The following BZW2 variants were observed in gnomAD, a reference collection of about 807,000 sequenced individuals.
BZW2 encodes basic leucine zipper and W2 domains 2, also known as eIF5-mimic protein 1.
Under a neutral mutation model 53.2 loss-of-function variants are expected in BZW2, and 23 were observed. The ratio of observed to expected loss-of-function variants is 0.43; its 90% CI spans 0.31 to 0.61. The LOEUF (loss-of-function observed/expected upper bound fraction) is 0.61. Among genes scored for constraint, BZW2 ranks in the 20% least tolerant of loss-of-function variants. The pLI is 0.09. For missense variants in BZW2, 409 were observed against 503.1 expected (o/e 0.81, Z 1.79); for synonymous variants, 227 against 186.4 (o/e 1.22, Z -1.77).
At chr7:16,676,209 T>C (rs1782758702) in intron 3 of BZW2, among the ~76,000 whole-genome samples, 1 of 152,192 alleles carries the variant, frequency 6.6e-6, no homozygotes, top group Non-Finnish European at 1.5e-5. Context: ...CCCATCAGTG[T>C]TATACTGGAT....
At chr7:16,694,036 G>GA (rs1783403774) in intron 7 of BZW2, among the ~76,000 whole-genome samples, 1 of 152,134 alleles carries the variant, frequency 6.6e-6, no homozygotes, top group Non-Finnish European at 1.5e-5. Flanking sequence ...GCAGCAGTCT[G>GA]AAAAATGTGA....
intron 6 of BZW2, 25 bp from the exon 7 acceptor site, chr7:16,689,772 G>T: frequency 3.8e-6 from 6 of 1,575,708 alleles, no homozygotes; most frequent in African/African-American, 1.3e-5. Context: ...TAAAAGGAAT[G>T]AAATTCTCTT....
rs576625950 is a variant in BZW2 at position 16,691,672 on chromosome 7, A to G, written c.651+1766A>G. 2.6e-5 allele frequency among the ~76,000 whole-genome samples: 4 copies of G among 152,334 alleles called. No individual in the cohort carries two copies. In the South Asian group the frequency reaches 8.3e-4, roughly 32 times the overall value. On this transcript the variant is annotated intron_variant, in intron 7 of 11. Transcript: ENST00000258761. ...CTCCACCTCTGCAGATAGACATAGC[A>G]AGGAGGGGGTTCTCTTAATACTCTT...
rs560424064 is a variant in BZW2 at position 16,649,076 on chromosome 7, C to G, written c.-8+2788C>G. 1.2e-4 allele frequency among the ~76,000 whole-genome samples: 18 copies of G among 152,172 alleles called. No homozygotes were observed. The South Asian group carries it at 1.9e-3, about 16-fold the overall frequency. On this transcript the variant is annotated intron_variant, in intron 1 of 11. Coordinates refer to ENST00000258761, the MANE Select transcript of BZW2 (RefSeq NM_014038.3). ...CTCTCTTCTTATGGATTCTAGCGAC[C>G]CCTCTTTTACCGCCCCCCTAAATTG...
At chr7:16,667,279 C>CAAAA (rs748681228) in intron 2 of BZW2, among the ~76,000 whole-genome samples, 1 of 60,310 alleles carries the variant, frequency 1.7e-5, no homozygotes, top group African/African-American at 5.0e-5. Context: ...AGCTCCATCT[C>CAAAA]AAAAAAAAAA....
At chr7:16,690,294 G>A (rs537939077) in intron 7 of BZW2, among the ~76,000 whole-genome samples, 20 of 151,516 alleles carry the variant, frequency 1.3e-4, no homozygotes, top group Admixed American at 4.0e-4. Context: ...CTCTGCCTCC[G>A]GAGTTCAAAC....
At chr7:16,669,208 C>G (rs1782527399) in intron 2 of BZW2, among the ~76,000 whole-genome samples, 1 of 152,200 alleles carries the variant, frequency 6.6e-6, no homozygotes, top group Non-Finnish European at 1.5e-5. Flanking sequence ...TCACTGCAGC[C>G]TCTCCCTCCC....
chr7:16,687,438 T>C (rs1783160914), intron 6 of BZW2: 1 of 152,204 alleles, frequency 6.6e-6, no homozygotes, highest in African/African-American at 2.4e-5. Context: ...AAGAAAATGC[T>C]GGGTATGGTA....
intron 7 of BZW2, among the ~76,000 whole-genome samples, chr7:16,690,737 A>G (rs1359191740): frequency 6.6e-6 from 1 of 152,184 alleles, no homozygotes; most frequent in Non-Finnish European, 1.5e-5. Flanking sequence ...GCTTGATTAT[A>G]TTTTTATTTC....
At chr7:16,703,072 G>A (rs758442173) in intron 10 of BZW2, among the ~76,000 whole-genome samples, 5 of 152,062 alleles carry the variant, frequency 3.3e-5, no homozygotes, top group Non-Finnish European at 7.4e-5. Flanking sequence ...TCACTTCCTC[G>A]GGACACAACT....
chr7:16,666,290 G>T (rs1782424272), intron 2 of BZW2, among the ~76,000 whole-genome samples: 1 of 151,792 alleles, frequency 6.6e-6, no homozygotes, highest in South Asian at 2.1e-4. Flanking sequence ...TGTAGAGACA[G>T]GGTCTCAAAC....
chr7:16,679,672 T>C (rs144687404), intron 3 of BZW2, among the ~76,000 whole-genome samples: 8 of 152,350 alleles, frequency 5.3e-5, no homozygotes, highest in African/African-American at 1.4e-4. Flanking sequence ...TATACACTAA[T>C]ACTCAAACAA....
At chr7:16,696,189 A>G (rs1235859191) in intron 8 of BZW2, 2 of 152,228 alleles carry the variant, frequency 1.3e-5, no homozygotes, top group African/African-American at 2.4e-5. Flanking sequence ...CTGGAGATAT[A>G]CGATGACTTT....
At chr7:16,704,793 A>G (rs1329567027) in intron 11 of BZW2, 124 bp downstream of exon 11, 3 of 1,062,494 alleles carry the variant, frequency 2.8e-6, no homozygotes, top group Non-Finnish European at 3.8e-6. Context: ...TATCTTTCGT[A>G]TCAAACATTT....
intron 1 of BZW2, among the ~76,000 whole-genome samples, chr7:16,653,969 G>A (rs1299276213): frequency 6.6e-6 from 1 of 151,160 alleles, no homozygotes; most frequent in East Asian, 1.9e-4. Flanking sequence ...GAGACTGGCT[G>A]GGCATGGTGA....
At chr7:16,669,826 A>C (rs1256522919) in intron 2 of BZW2, among the ~76,000 whole-genome samples, 1 of 152,226 alleles carries the variant, frequency 6.6e-6, no homozygotes, top group East Asian at 1.9e-4. Flanking sequence ...CACAGTTTAA[A>C]TTGGAGACCC....
chr7:16,680,451 A>T (rs2128361231), intron 3 of BZW2, among the ~76,000 whole-genome samples: 1 of 152,340 alleles, frequency 6.6e-6, no homozygotes, highest in East Asian at 1.9e-4. Context: ...TGGAACAAAA[A>T]TGAAGTACAC....
At chr7:16,657,670 C>G (rs892604578) in intron 1 of BZW2, among the ~76,000 whole-genome samples, 2 of 152,066 alleles carry the variant, frequency 1.3e-5, no homozygotes, top group African/African-American at 4.8e-5. Context: ...ATATGACTAT[C>G]TAGTGATAAA....
intron 6 of BZW2, chr7:16,686,795 T>C (rs1783140494): frequency 1.3e-5 from 2 of 152,210 alleles, no homozygotes; most frequent in Non-Finnish European, 2.9e-5. Context: ...GGAGTCATAG[T>C]TTTCTTGTAG....
Sources: gnomAD v4.1 joint callset for allele counts (sites outside exome capture counted in the v4.1 genomes callset) on GRCh38, gnomAD v4.1.1 for gene constraint, MANE v1.5 for transcripts, NCBI Gene and HGNC (gene_info 2026-07-23, HGNC 2026-07-21) for gene names.